Variants in COL28A1 observed in about 807,000 individuals in gnomAD.
COL28A1 encodes collagen type XXVIII alpha 1 chain, also known as collagen alpha-1(XXVIII) chain.
In COL28A1, 161 loss-of-function variants were observed where a neutral mutation model predicts 150.2. The ratio of observed to expected loss-of-function variants is 1.07; its 90% CI spans 0.94 to 1.22. COL28A1 has a LOEUF of 1.22. Ranked by LOEUF, COL28A1 falls within the 50% of genes most tolerant of loss-of-function variation. The pLI, the probability that COL28A1 is intolerant of heterozygous loss-of-function variation, is 0.00. For synonymous variants in COL28A1, 552 were observed against 469.7 expected (o/e 1.18, Z -2.26); for missense variants, 1,617 against 1,388.3 (o/e 1.16, Z -2.62).
At chr7:7,525,810 G>C (rs1781993297) in intron 3 of COL28A1, among the ~76,000 whole-genome samples, 1 of 152,116 alleles carries the variant, frequency 6.6e-6, no homozygotes, top group Non-Finnish European at 1.5e-5. Context: ...CTAGCTATGT[G>C]GCCTTGGACA....
At chr7:7,381,149 G>T (rs779407716) in intron 28 of COL28A1, among the ~76,000 whole-genome samples, 2 of 152,016 alleles carry the variant, frequency 1.3e-5, no homozygotes, top group Admixed American at 1.3e-4. Flanking sequence ...ACAATTTACC[G>T]GGTACCTGAG....
In COL28A1 at chr7:7,373,737, C is replaced by T. The variant is rs142838945; in HGVS notation, c.2360-191G>A. ...TTTTTGTGAGACAGAGTCTCGCTGT[C>T]GCCCAGGTTGGAGTGCAGTGGCGCG... On this transcript the variant is annotated intron_variant, in intron 31 of 34. Transcript: ENST00000399429. The surrounding 1 kb of genome is among the most constrained non-coding windows in gnomAD (Gnocchi z 4.1). Among the ~76,000 whole-genome samples, 4,352 of 149,708 alleles carry T rather than the reference C, an allele frequency of 0.029. 101 individuals are homozygous for T. The highest frequency in any genetic ancestry group is 0.046 in the Non-Finnish European group (3,116 of 67,620).
intron 22 of COL28A1, among the ~76,000 whole-genome samples, chr7:7,436,795 C>T (rs924689005): frequency 1.3e-5 from 2 of 152,148 alleles, no homozygotes; most frequent in African/African-American, 4.8e-5. Context: ...ATTCCAACAC[C>T]TTGGGAGGCC....
At chr7:7,434,591 G>A (rs753761818) in intron 23 of COL28A1, among the ~76,000 whole-genome samples, 6 of 152,126 alleles carry the variant, frequency 3.9e-5, no homozygotes, top group Non-Finnish European at 5.9e-5. Flanking sequence ...CTTGTTTAAC[G>A]TCTGACACCA....
Position 7,478,476 on chromosome 7 carries a change from G to A in COL28A1, c.1165-1296C>T, listed in dbSNP as rs570395329. On this transcript the variant is annotated intron_variant, in intron 13 of 34. Transcript: ENST00000399429. ...CCCCACTAGACCCAGGAGCCTAGCT[G>A]GCTTCACCCAGTGGATCTCGCATGG... is the stretch of plus-strand genomic sequence containing the variant. Among the ~76,000 whole-genome samples the A allele has an allele frequency of 2.0e-5, 3 of 152,398 alleles. No homozygotes were observed. The East Asian group carries it at 5.8e-4, about 29-fold the overall frequency.
Position 7,490,577 on chromosome 7 carries a change from C to G in COL28A1, c.1095+1G>C. 8.1e-7 allele frequency: 1 copy of G among 1,229,812 alleles called. No homozygotes were observed. Among genetic ancestry groups the G allele is most frequent in the Non-Finnish European group, 1.2e-6 (1 of 830,206 alleles). The allele number at this position is 1,229,812 out of a possible 1,614,324, so 76.2% of individuals were successfully genotyped here. On this transcript the variant is annotated splice_donor_variant, in intron 12 of 34. Transcript: ENST00000399429. LOFTEE classifies it high-confidence loss of function. ...GTGGGCAAAAAGACAAGTATCTTTA[C>G]CTTAATACCTTGCTGTCCAATTCCA...
chr7:7,415,005 T>G (rs960561032), intron 27 of COL28A1, among the ~76,000 whole-genome samples: 5 of 152,210 alleles, frequency 3.3e-5, no homozygotes, highest in African/African-American at 1.2e-4. Context: ...TTGCCTGACA[T>G]AGGTGATGCT....
At chr7:7,484,670 G>C (rs1779527525) in intron 13 of COL28A1, among the ~76,000 whole-genome samples, 1 of 152,078 alleles carries the variant, frequency 6.6e-6, no homozygotes, top group Non-Finnish European at 1.5e-5. Flanking sequence ...TTCAGGAGTA[G>C]GTGGCAATAT....
At chr7:7,453,412 T>A in intron 17 of COL28A1, 28 bp downstream of exon 17, 1 of 959,650 alleles carries the variant, frequency 1.0e-6, no homozygotes, top group Non-Finnish European at 1.7e-6. Context: ...ATAGATATAT[T>A]AAACTCCGCT....
At chr7:7,422,135 T>C (rs2128309041) in intron 25 of COL28A1, among the ~76,000 whole-genome samples, 1 of 152,292 alleles carries the variant, frequency 6.6e-6, no homozygotes, top group Non-Finnish European at 1.5e-5. Flanking sequence ...AGGACATGTC[T>C]TTTCTCTTCC....
chr7:7,529,085 T>G (rs993293797), intron 3 of COL28A1, among the ~76,000 whole-genome samples: 1 of 151,932 alleles, frequency 6.6e-6, no homozygotes, highest in Non-Finnish European at 1.5e-5. Flanking sequence ...GCAGATCACC[T>G]GAGGTCAGGA....
intron 20 of COL28A1, among the ~76,000 whole-genome samples, chr7:7,441,893 A>C (rs1270644108): frequency 1.3e-5 from 2 of 151,944 alleles, no homozygotes; most frequent in Non-Finnish European, 2.9e-5. Context: ...CACCGGTGTA[A>C]AAAAAAAGAG....
At position 7,375,459 on chromosome 7, in the gene COL28A1, ACCAC is replaced by A. The variant is rs778279822; in HGVS notation, c.2357_2359+1del. 9.5e-6 allele frequency: 15 copies of A among 1,576,386 alleles called. No homozygotes were observed. Among genetic ancestry groups the A allele is most frequent in the Non-Finnish European group, 1.3e-5 (15 of 1,153,466 alleles). On this transcript the variant is annotated splice_donor_variant and coding_sequence_variant, in exon 31 of 35. Coordinates refer to ENST00000399429, the MANE Select transcript of COL28A1 (RefSeq NM_001037763.3). LOFTEE classifies it high-confidence loss of function. ...GATGTTTTTTCCTTGATCAAATCTT[ACCAC>A]ATATTTCTGTAATAAGTTTGATAAT...
At chr7:7,345,694 T>C in the COL28A1 span, among the ~76,000 whole-genome samples, 4 of 152,146 alleles carry the variant, frequency 2.6e-5, no homozygotes, top group African/African-American at 9.7e-5. Context: ...ATTGTTTTTT[T>C]ACAAGAAGTC....
chr7:7,440,735 A>G, intron 21 of COL28A1, 55 bp downstream of exon 21: 1 of 728,872 alleles, frequency 1.4e-6, no homozygotes, highest in Non-Finnish European at 2.4e-6. Context: ...TACTATATTA[A>G]AACCAGACAC....
intron 10 of COL28A1, among the ~76,000 whole-genome samples, chr7:7,506,291 C>T (rs1012486469): frequency 1.3e-5 from 2 of 152,202 alleles, no homozygotes; most frequent in Non-Finnish European, 2.9e-5. Flanking sequence ...ATTTAATTAA[C>T]GAGATGTTTG....
intron 10 of COL28A1, 117 bp from the exon 11 acceptor site, chr7:7,506,184 C>A: frequency 1.6e-6 from 1 of 629,944 alleles, no homozygotes. Context: ...TAACTCAGAG[C>A]TAAATTGAAA....
intron 13 of COL28A1, among the ~76,000 whole-genome samples, chr7:7,483,021 G>C (rs2128361866): frequency 6.6e-6 from 1 of 152,332 alleles, no homozygotes; most frequent in South Asian, 2.1e-4. Context: ...ATAACTGAGA[G>C]ACTGAGATTC....
At chr7:7,490,724 G>GT (rs1258796805) in intron 11 of COL28A1, 78 bp from the exon 12 acceptor site, 3 of 705,056 alleles carry the variant, frequency 4.3e-6, no homozygotes, top group Non-Finnish European at 7.4e-6. Flanking sequence ...TAGATGTATG[G>GT]TTTTGCAATA....
Sources: gnomAD v4.1 joint callset for allele counts (sites outside exome capture counted in the v4.1 genomes callset) on GRCh38, gnomAD v4.1.1 for gene constraint, Gnocchi (gnomAD v3.1) non-coding constraint, MANE v1.5 for transcripts, NCBI Gene and HGNC (gene_info 2026-07-23, HGNC 2026-07-21) for gene names.